The following STXBP6 variants were observed in gnomAD, a reference collection of about 807,000 sequenced individuals.
The protein encoded by STXBP6 is syntaxin binding protein 6.
STXBP6 carries 21 observed loss-of-function variants against 26.9 expected under a neutral mutation model. The observed-to-expected ratio is 0.78, with a 90% CI of 0.55 to 1.12. STXBP6 has a LOEUF of 1.12. Among genes scored for constraint, STXBP6 ranks in the 50% most tolerant of loss-of-function variants. The pLI, the probability that STXBP6 is intolerant of heterozygous loss-of-function variation, is 0.00. For synonymous variants in STXBP6, 97 were observed against 92.6 expected (o/e 1.05, Z -0.27); for missense variants, 232 against 257.9 (o/e 0.90, Z 0.69).
intron 3 of STXBP6, 102 bp from the exon 4 acceptor site, chr14:24,856,203 G>C: frequency 2.5e-6 from 3 of 1,185,154 alleles, no homozygotes; most frequent in Non-Finnish European, 3.4e-6. Context: ...CAAAGACTTT[G>C]ATCGCAATCA....
At chr14:24,985,103 T>C (rs17185509) in intron 1 of STXBP6, among the ~76,000 whole-genome samples, 6,404 of 152,334 alleles carry the variant, frequency 0.042, 209 homozygotes, top group East Asian at 0.17. Flanking sequence ...TTTGAAGTCA[T>C]TCTTTCTGGA....
At chr14:25,026,527 T>G (rs2075353079) in intron 1 of STXBP6, among the ~76,000 whole-genome samples, 2 of 152,142 alleles carry the variant, frequency 1.3e-5, no homozygotes. Context: ...CCCACTAAAT[T>G]AGATACATGA....
intron 2 of STXBP6, among the ~76,000 whole-genome samples, chr14:24,936,697 T>G (rs986823407): frequency 2.0e-5 from 3 of 152,226 alleles, no homozygotes; most frequent in Non-Finnish European, 4.4e-5. Context: ...GTAAAAGTGT[T>G]CCTATTTCTC....
intron 1 of STXBP6, among the ~76,000 whole-genome samples, chr14:25,008,824 G>C: frequency 6.6e-6 from 1 of 152,178 alleles, no homozygotes; most frequent in South Asian, 2.1e-4. Flanking sequence ...AGAATAGCAA[G>C]CAGTAGCATC....
chr14:25,044,170 CAAA>C (rs768658907), intron 1 of STXBP6, among the ~76,000 whole-genome samples: 6 of 53,334 alleles, frequency 1.1e-4, no homozygotes, highest in African/African-American at 4.0e-4. Flanking sequence ...GACTCTGCCT[CAAA>C]AAAAAAAAAA....
At chr14:24,973,859 CAT>C (rs2073972684) in intron 2 of STXBP6, among the ~76,000 whole-genome samples, 1 of 152,024 alleles carries the variant, frequency 6.6e-6, no homozygotes. Context: ...GGTCCAAAAA[CAT>C]AAAGTTTTAT....
In STXBP6 at chr14:24,881,504, A is replaced by G. The variant is rs575993207; in HGVS notation, c.155-24347T>C. ...GTTAAGAATGACAAGCTGAAGTAAA[A>G]CAGCAGAGATGACATTCATAAATTT... On this transcript the variant is annotated intron_variant, in intron 2 of 5. Coordinates refer to ENST00000323944, the MANE Select transcript of STXBP6 (RefSeq NM_001394410.1). Among the ~76,000 whole-genome samples the G allele has an allele frequency of 4.9e-5, 7 of 141,930 alleles. No homozygotes were observed. In the South Asian group the frequency reaches 1.5e-3, roughly 31 times the overall value. 93.1% of individuals were successfully genotyped at this position (141,930 alleles called of 152,430 possible). A position where few individuals can be genotyped will look rare whatever the true frequency, so the allele number is the denominator to read the frequency against.
chr14:24,871,614 A>T (rs1185077140), intron 2 of STXBP6, among the ~76,000 whole-genome samples: 1 of 152,212 alleles, frequency 6.6e-6, no homozygotes, highest in Non-Finnish European at 1.5e-5. Flanking sequence ...CTACCTGCAG[A>T]AGCAAATGAT....
chr14:24,992,760 T>C (rs549922719), intron 1 of STXBP6, among the ~76,000 whole-genome samples: 2 of 152,312 alleles, frequency 1.3e-5, no homozygotes, highest in African/African-American at 4.8e-5. Flanking sequence ...CTGAGGCATA[T>C]ACAGCACAGC....
In STXBP6 at chr14:24,811,815, C is replaced by T. The variant is rs1300069413; in HGVS notation, c.*894G>A. ...CAAGACAAACATTTTAAATGTACTACTTGTTCACATTATCATTGACACAGA... is the reference window on the plus strand; with the variant it reads ...CAAGACAAACATTTTAAATGTACTATTTGTTCACATTATCATTGACACAGA... On this transcript the variant is annotated 3_prime_UTR_variant, in exon 6 of 6. Transcript: ENST00000323944. 1.3e-5 allele frequency: 2 copies of T among 152,150 alleles called. No homozygotes were observed. Among genetic ancestry groups the T allele is most frequent in the African/African-American group, 4.8e-5 (2 of 41,434 alleles). 9.4% of individuals were successfully genotyped at this position (152,150 alleles called of 1,614,324 possible).
At chr14:24,866,149 C>T (rs1241020794) in intron 2 of STXBP6, among the ~76,000 whole-genome samples, 6 of 152,032 alleles carry the variant, frequency 3.9e-5, no homozygotes, top group African/African-American at 1.4e-4. Flanking sequence ...GGGTCTCATC[C>T]AGTCAGTAGA....
chr14:24,955,009 T>C (rs2073293122), intron 2 of STXBP6, among the ~76,000 whole-genome samples: 1 of 152,220 alleles, frequency 6.6e-6, no homozygotes, highest in African/African-American at 2.4e-5. Context: ...CATGCCTCTC[T>C]GAGAGGGTTG....
At chr14:25,031,714 G>A (rs935532728) in intron 1 of STXBP6, among the ~76,000 whole-genome samples, 3 of 149,972 alleles carry the variant, frequency 2.0e-5, no homozygotes, top group Non-Finnish European at 4.4e-5. Context: ...TATCTCCCAA[G>A]CAATTTTTTT....
intron 2 of STXBP6, among the ~76,000 whole-genome samples, chr14:24,894,406 G>A (rs1278687105): frequency 6.6e-6 from 1 of 152,140 alleles, no homozygotes; most frequent in Non-Finnish European, 1.5e-5. Context: ...GATGCCAGGA[G>A]GTGCTGTATT....
At chr14:24,992,708 C>T (rs1474622792) in intron 1 of STXBP6, among the ~76,000 whole-genome samples, 2 of 152,152 alleles carry the variant, frequency 1.3e-5, no homozygotes, top group African/African-American at 2.4e-5. Flanking sequence ...CAATAAGCAC[C>T]AATCAAGAAC....
At chr14:24,884,832 G>A (rs1011398660) in intron 2 of STXBP6, among the ~76,000 whole-genome samples, 25 of 152,248 alleles carry the variant, frequency 1.6e-4, no homozygotes, top group African/African-American at 5.1e-4. Flanking sequence ...AGTATGAAAT[G>A]CTGAATTATA....
intron 2 of STXBP6, among the ~76,000 whole-genome samples, chr14:24,956,287 C>T (rs891510768): frequency 2.6e-5 from 4 of 152,136 alleles, no homozygotes; most frequent in Admixed American, 1.3e-4. Context: ...CCACACCCAC[C>T]GCAGAGGGCT....
At chr14:24,931,962 T>C (rs1260921276) in intron 2 of STXBP6, among the ~76,000 whole-genome samples, 2 of 151,966 alleles carry the variant, frequency 1.3e-5, no homozygotes, top group African/African-American at 4.8e-5. Context: ...TGAGGATACG[T>C]AGAGGTCCAA....
chr14:24,976,746 C>T (rs1384658664), intron 1 of STXBP6, among the ~76,000 whole-genome samples: 8 of 151,246 alleles, frequency 5.3e-5, no homozygotes, highest in African/African-American at 1.9e-4. Context: ...TTGCCTCTCA[C>T]TATTTGGGTA....
Sources: gnomAD v4.1 joint callset for allele counts (sites outside exome capture counted in the v4.1 genomes callset) on GRCh38, gnomAD v4.1.1 for gene constraint, MANE v1.5 for transcripts, NCBI Gene and HGNC (gene_info 2026-07-23, HGNC 2026-07-21) for gene names.